ATXN1: variants seen among roughly 807,000 people sequenced by gnomAD.
ATXN1 encodes ataxin 1.
ATXN1 carries 8 observed loss-of-function variants against 56.4 expected under a neutral mutation model. The ratio of observed to expected loss-of-function variants is 0.14; its 90% confidence interval spans 0.08 to 0.26. The LOEUF (loss-of-function observed/expected upper bound fraction) is 0.26. ATXN1 is among the 10% of genes least tolerant of loss of function. The pLI is 1.00. For missense variants in ATXN1, 987 were observed against 1,106.5 expected (o/e 0.89, Z 1.53); for synonymous variants, 514 against 494.6 (o/e 1.04, Z -0.52).
intron 1 of ATXN1, among the ~76,000 whole-genome samples, chr6:16,757,767 G>A (rs936102670): frequency 1.2e-4 from 6 of 49,338 alleles, no homozygotes; most frequent in Admixed American, 2.2e-4. Context: ...CCCCCCGCCC[G>A]CCCCCTGCCC....
intron 1 of ATXN1, among the ~76,000 whole-genome samples, chr6:16,757,741 G>A (rs976401277): frequency 1.3e-5 from 2 of 151,972 alleles, no homozygotes; most frequent in African/African-American, 2.4e-5. Flanking sequence ...CAAATACCAG[G>A]GTTATGAAAA....
intron 3 of ATXN1, among the ~76,000 whole-genome samples, chr6:16,613,869 A>G (rs1044338275): frequency 6.6e-6 from 1 of 152,180 alleles, no homozygotes; most frequent in Non-Finnish European, 1.5e-5. Context: ...CAAATTTTCT[A>G]GAAACATTAA....
chr6:16,397,935 G>A (rs1426456146), intron 6 of ATXN1, among the ~76,000 whole-genome samples: 1 of 152,112 alleles, frequency 6.6e-6, no homozygotes, highest in Non-Finnish European at 1.5e-5. Flanking sequence ...GAGTTTCATT[G>A]TCCCTGTTTG....
intron 6 of ATXN1, among the ~76,000 whole-genome samples, chr6:16,417,778 C>T (rs968879788): frequency 3.3e-5 from 5 of 152,006 alleles, no homozygotes; most frequent in African/African-American, 1.2e-4. Context: ...TCTCAGCATA[C>T]GAACACTGTA....
At chr6:16,494,018 C>A (rs1760723555) in intron 5 of ATXN1, among the ~76,000 whole-genome samples, 1 of 152,138 alleles carries the variant, frequency 6.6e-6, no homozygotes. Flanking sequence ...CCTGTCTCCA[C>A]CCTGCCCACC....
intron 4 of ATXN1, among the ~76,000 whole-genome samples, chr6:16,564,910 A>ACTTT (rs1227696772): frequency 1.3e-5 from 2 of 152,082 alleles, no homozygotes; most frequent in African/African-American, 4.8e-5. Flanking sequence ...AATAAACAAG[A>ACTTT]CTTTCTTCCC....
intron 3 of ATXN1, among the ~76,000 whole-genome samples, chr6:16,613,235 G>A (rs1178889579): frequency 3.8e-4 from 50 of 129,956 alleles, no homozygotes; most frequent in Admixed American, 3.8e-3. Context: ...ACTGCAGTCC[G>A]CAGTCCGGCC....
chr6:16,308,744 G>C (rs1760317140), intron 7 of ATXN1, among the ~76,000 whole-genome samples: 1 of 152,128 alleles, frequency 6.6e-6, no homozygotes, highest in Non-Finnish European at 1.5e-5. Flanking sequence ...TTAAAAAAGG[G>C]GGGTGGTGGT....
chr6:16,452,455 T>C (rs376349614), intron 6 of ATXN1, among the ~76,000 whole-genome samples: 3 of 152,236 alleles, frequency 2.0e-5, no homozygotes, highest in Non-Finnish European at 4.4e-5. Context: ...CTCTGAGTGA[T>C]TGTGTGTCAG....
At chr6:16,710,992 C>T (rs1461626271) in intron 2 of ATXN1, among the ~76,000 whole-genome samples, 3 of 152,136 alleles carry the variant, frequency 2.0e-5, no homozygotes, top group Non-Finnish European at 4.4e-5. Context: ...AAGCGATCCT[C>T]CCACCTCAGC....
intron 2 of ATXN1, among the ~76,000 whole-genome samples, chr6:16,703,427 A>G (rs914135090): frequency 6.6e-6 from 1 of 152,190 alleles, no homozygotes; most frequent in African/African-American, 2.4e-5. Flanking sequence ...ACATGTATAC[A>G]TATGTAACAA....
rs375359789 is a variant in ATXN1, at chr6:16,316,865, C to CTT, written c.1917+9527_1917+9528dup. ...AGGGGGCAATAGAGAGACTGCCTGT[C>CTT]TTTTTTTTTTTTTTTTTTTTTTTTT... is the stretch of plus-strand genomic sequence containing the variant. On this transcript the variant is annotated intron_variant, in intron 7 of 7. Transcript: ENST00000436367. Among the ~76,000 whole-genome samples the CTT allele has an allele frequency of 3.9e-4, 39 of 99,458 alleles. 1 individual carries two copies. Among genetic ancestry groups the CTT allele is most frequent in the South Asian group, 1.7e-3 (4 of 2,348 alleles). The allele number at this position is 99,458 out of a possible 152,430, so 65.2% of individuals were successfully genotyped here.
intron 3 of ATXN1, chr6:16,652,733 A>G (rs1758092537): frequency 6.6e-6 from 1 of 152,182 alleles, no homozygotes; most frequent in Admixed American, 6.6e-5. Flanking sequence ...GCAGAGGAAA[A>G]TCTAGTAAGG....
At chr6:16,342,669 G>A (rs968418745) in intron 6 of ATXN1, among the ~76,000 whole-genome samples, 1 of 152,134 alleles carries the variant, frequency 6.6e-6, no homozygotes. Flanking sequence ...TCCTTATGAC[G>A]AGCTATTATT....
chr6:16,725,742 A>C (rs1450100968), intron 2 of ATXN1, among the ~76,000 whole-genome samples: 1 of 152,234 alleles, frequency 6.6e-6, no homozygotes, highest in Non-Finnish European at 1.5e-5. Context: ...TCACAAGCTG[A>C]CTATGTTTAT....
At chr6:16,570,862 C>T (rs73728010) in intron 4 of ATXN1, among the ~76,000 whole-genome samples, 2,270 of 152,278 alleles carry the variant, frequency 0.015, 71 homozygotes, top group African/African-American at 0.051. Context: ...CCTTGCACAG[C>T]GATTTTCTGG....
At chr6:16,751,276 C>G (rs1407767875) in intron 2 of ATXN1, among the ~76,000 whole-genome samples, 1 of 152,128 alleles carries the variant, frequency 6.6e-6, no homozygotes, top group East Asian at 1.9e-4. Context: ...GCCCACCCTA[C>G]CTTTTTCATT....
chr6:16,525,815 A>T (rs569043543), intron 4 of ATXN1, among the ~76,000 whole-genome samples: 137 of 151,342 alleles, frequency 9.1e-4, no homozygotes, highest in Middle Eastern at 3.4e-3. Flanking sequence ...ATTAAAAATT[A>T]AAAAAAAATT....
intron 6 of ATXN1, among the ~76,000 whole-genome samples, chr6:16,342,323 G>A (rs967033760): frequency 8.6e-5 from 13 of 151,526 alleles, no homozygotes; most frequent in African/African-American, 3.2e-4. Flanking sequence ...CATTAAGATG[G>A]ACATTATATT....
Sources: gnomAD v4.1 joint callset for allele counts (sites outside exome capture counted in the v4.1 genomes callset) on GRCh38, gnomAD v4.1.1 for gene constraint, MANE v1.5 for transcripts, NCBI Gene and HGNC (gene_info 2026-07-23, HGNC 2026-07-21) for gene names.